SHROOM3: variants seen among roughly 807,000 people sequenced by gnomAD.
SHROOM3 encodes the protein protein Shroom3.
SHROOM3 carries 47 observed loss-of-function variants against 138.6 expected under a neutral mutation model. The observed-to-expected ratio is 0.34, with a 90% confidence interval of 0.27 to 0.43. The LOEUF is 0.43. Among genes scored for constraint, SHROOM3 ranks in the 20% least tolerant of loss-of-function variants. The pLI, the probability that SHROOM3 is intolerant of heterozygous loss-of-function variation, is 1.00. For synonymous variants in SHROOM3, 1,062 were observed against 1,063.3 expected (o/e 1.00, Z 0.02); for missense variants, 2,491 against 2,596.5 (o/e 0.96, Z 0.88).
chr4:76,656,515 G>A (rs1736067679), intron 2 of SHROOM3, among the ~76,000 whole-genome samples: 1 of 152,258 alleles, frequency 6.6e-6, no homozygotes, highest in East Asian at 1.9e-4. Context: ...AGTGTCATAG[G>A]CCCTTTCTAA....
chr4:76,533,879 C>G (rs10012630), intron 1 of SHROOM3, among the ~76,000 whole-genome samples: 33,736 of 152,072 alleles, frequency 0.22, 4,221 homozygotes, highest in East Asian at 0.52. Flanking sequence ...TCCCGTGTCT[C>G]GAGTAGTGTC....
chr4:76,747,852 A>AT (rs1330997346), intron 5 of SHROOM3, among the ~76,000 whole-genome samples: 1 of 152,238 alleles, frequency 6.6e-6, no homozygotes, highest in African/African-American at 2.4e-5. Flanking sequence ...ACCTATAAAG[A>AT]TTCCATGGCA....
intron 1 of SHROOM3, among the ~76,000 whole-genome samples, chr4:76,503,308 A>T (rs1662336449): frequency 6.6e-6 from 1 of 152,062 alleles, no homozygotes; most frequent in Non-Finnish European, 1.5e-5. Flanking sequence ...TTTTCCCAGT[A>T]ATATTTTGTG....
chr4:76,608,578 A>T (rs1396456201), intron 2 of SHROOM3, among the ~76,000 whole-genome samples: 11 of 149,372 alleles, frequency 7.4e-5, no homozygotes, highest in African/African-American at 2.5e-4. Context: ...AGCATAGCAT[A>T]GCATAGCATA....
intron 2 of SHROOM3, among the ~76,000 whole-genome samples, chr4:76,625,983 AAACAT>A (rs1560569600): frequency 6.6e-6 from 1 of 152,198 alleles, no homozygotes; most frequent in Non-Finnish European, 1.5e-5. Context: ...AGTTTGCTTT[AAACAT>A]AGAGAACTCT....
At chr4:76,548,350 G>A (rs1440221167) in intron 1 of SHROOM3, among the ~76,000 whole-genome samples, 1 of 152,146 alleles carries the variant, frequency 6.6e-6, no homozygotes, top group African/African-American at 2.4e-5. Context: ...GGGTCACAGG[G>A]AGGGCACAAA....
intron 1 of SHROOM3, among the ~76,000 whole-genome samples, chr4:76,459,489 C>T (rs906007393): frequency 1.3e-5 from 2 of 152,108 alleles, no homozygotes; most frequent in African/African-American, 4.8e-5. Context: ...AGCACTTCGG[C>T]AGGGAGCTTT....
At chr4:76,442,835 CTTTTT>C (rs909555224) in intron 1 of SHROOM3, among the ~76,000 whole-genome samples, 6 of 151,974 alleles carry the variant, frequency 3.9e-5, no homozygotes, top group South Asian at 4.2e-4. Context: ...TCCTCCTTTT[CTTTTT>C]ATTATTCGTG....
At chr4:76,437,820 C>T (rs907561346) in intron 1 of SHROOM3, among the ~76,000 whole-genome samples, 23 of 152,138 alleles carry the variant, frequency 1.5e-4, no homozygotes, top group African/African-American at 1.2e-4. Context: ...AATATTGTCT[C>T]GGCATTTAAA....
chr4:76,515,492 T>G (rs1732426193), intron 1 of SHROOM3, among the ~76,000 whole-genome samples: 1 of 152,212 alleles, frequency 6.6e-6, no homozygotes, highest in Non-Finnish European at 1.5e-5. Context: ...TGAGATTCCC[T>G]TGGGCTCTGG....
intron 5 of SHROOM3, among the ~76,000 whole-genome samples, chr4:76,744,027 G>A (rs1721350060): frequency 1.3e-5 from 2 of 152,158 alleles, no homozygotes; most frequent in Non-Finnish European, 2.9e-5. Context: ...TTGTTATTTT[G>A]TCTTAGAGGT....
intron 3 of SHROOM3, among the ~76,000 whole-genome samples, chr4:76,715,175 A>C (rs545179257): frequency 6.6e-6 from 1 of 151,886 alleles, no homozygotes; most frequent in African/African-American, 2.4e-5. Flanking sequence ...CAAGTCCATG[A>C]GTAACAGGTA....
chr4:76,639,032 C>T (rs186326711), intron 2 of SHROOM3, among the ~76,000 whole-genome samples: 17 of 152,198 alleles, frequency 1.1e-4, no homozygotes, highest in African/African-American at 2.9e-4. Flanking sequence ...GTGTAGATAC[C>T]GAAGTGAGCT....
At position 76,775,318 on chromosome 4, in the gene SHROOM3, T is replaced by TGG. The variant is rs1227663451; in HGVS notation, c.5623-3488_5623-3487dup. On this transcript the variant is annotated intron_variant, in intron 10 of 10. Coordinates refer to ENST00000296043, the MANE Select transcript of SHROOM3 (RefSeq NM_020859.4). ...TTTTTTATGGCTGAGTAGTAGTCCATGGGGTGTGTGTGTGTGTGTGTGTGT... is the reference window on the plus strand; with the variant it reads ...TTTTTTATGGCTGAGTAGTAGTCCATGGGGGGTGTGTGTGTGTGTGTGTGTGT... Among the ~76,000 whole-genome samples the TGG allele has an allele frequency of 4.0e-5, 5 of 126,376 alleles. No individual in the cohort carries two copies. In the East Asian group the frequency reaches 1.2e-3, roughly 29 times the overall value. The allele number at this position is 126,376 out of a possible 152,430, so 82.9% of individuals were successfully genotyped here.
chr4:76,463,586 G>A (rs78679378), intron 1 of SHROOM3, among the ~76,000 whole-genome samples: 4,883 of 152,304 alleles, frequency 0.032, 103 homozygotes, highest in Non-Finnish European at 0.054. Context: ...TGGGGAAAAT[G>A]TCTCCAAGAC....
At chr4:76,444,211 G>C (rs1301908327) in intron 1 of SHROOM3, among the ~76,000 whole-genome samples, 1 of 151,782 alleles carries the variant, frequency 6.6e-6, no homozygotes, top group Non-Finnish European at 1.5e-5. Flanking sequence ...CACCACGCCT[G>C]GCCTAAACCT....
chr4:76,542,499 G>C (rs1560539601), intron 1 of SHROOM3, among the ~76,000 whole-genome samples: 1 of 152,198 alleles, frequency 6.6e-6, no homozygotes, highest in Non-Finnish European at 1.5e-5. Flanking sequence ...TAATCACAAA[G>C]ATCCTCATAA....
At chr4:76,660,429 G>T (rs1363789811) in intron 2 of SHROOM3, among the ~76,000 whole-genome samples, 3 of 152,028 alleles carry the variant, frequency 2.0e-5, no homozygotes, top group Admixed American at 6.6e-5. Context: ...CAACACCTCA[G>T]CGATAACTAG....
intron 2 of SHROOM3, among the ~76,000 whole-genome samples, chr4:76,624,210 G>A (rs941779034): frequency 6.6e-6 from 1 of 152,136 alleles, no homozygotes; most frequent in Non-Finnish European, 1.5e-5. Context: ...TTGCAGGCGT[G>A]TAGTATTCCG....
Sources: allele counts gnomAD v4.1 joint callset (sites outside exome capture counted in the v4.1 genomes callset), GRCh38; gene constraint gnomAD v4.1.1; transcripts MANE v1.5; gene names NCBI Gene and HGNC (gene_info 2026-07-23, HGNC 2026-07-21).